The following RELN variants were observed in gnomAD, a reference collection of about 807,000 sequenced individuals.
The protein encoded by RELN is reelin.
A neutral mutation model predicts 427.6 loss-of-function variants in RELN; 108 were observed. The ratio of observed to expected loss-of-function variants is 0.25; its 90% CI spans 0.22 to 0.30. The LOEUF (loss-of-function observed/expected upper bound fraction) is 0.30, where lower values mean the gene tolerates loss of function less well. RELN is among the 10% of genes least tolerant of loss of function. The pLI, the probability that RELN is intolerant of heterozygous loss-of-function variation, is 1.00. For synonymous variants in RELN, 1,524 were observed against 1,513.4 expected, an observed-to-expected ratio of 1.01 and a Z score of -0.16; for missense variants, 3,715 against 4,302.8, an observed-to-expected ratio of 0.86 and a Z score of 3.82.
At chr7:103,750,249 G>A (rs1290720328) in intron 5 of RELN, among the ~76,000 whole-genome samples, 1 of 152,044 alleles carries the variant, frequency 6.6e-6, no homozygotes, top group African/African-American at 2.4e-5. Flanking sequence ...AAGTGCTGGG[G>A]TTACAGGCGT....
chr7:103,495,347 A>G (rs1323338838), intron 57 of RELN, among the ~76,000 whole-genome samples: 2 of 151,840 alleles, frequency 1.3e-5, no homozygotes, highest in Non-Finnish European at 2.9e-5. Context: ...TTTTTTATAG[A>G]GACAAGGTTT....
Position 103,989,233 on chromosome 7 carries a change from G to C in RELN, c.124C>G (p.His42Asp). ...CCATCCCCTTCCAGCTCCCCGTGGT[G>C]GGTGCACAGGAAAAAGAAGGGCGAA... ...RFSPFFFLCT[H>D]HGELEGDGEQ... Residue 42 changes from histidine to aspartate, a missense_variant, in exon 1 of 65, where the codon CAC becomes GAC. This residue lies in a region of RELN where 2,208 missense variants were observed against 2,361.7 expected (regional missense o/e 0.93). Coordinates refer to ENST00000428762, the MANE Select transcript of RELN (RefSeq NM_005045.4). This position sits in a 1 kb window ranked among gnomAD's most constrained non-coding sequence, Gnocchi z 4.9. 1 of 1,614,072 alleles carries C rather than the reference G, an allele frequency of 6.2e-7. No homozygotes were observed. The highest frequency in any genetic ancestry group is 8.5e-7 in the Non-Finnish European group (1 of 1,179,996).
intron 3 of RELN, among the ~76,000 whole-genome samples, chr7:103,786,445 C>T (rs898638457): frequency 2.7e-5 from 4 of 148,878 alleles, no homozygotes; most frequent in Non-Finnish European, 4.4e-5. Flanking sequence ...TTCAGGAGAC[C>T]CATCTCATGT....
intron 60 of RELN, among the ~76,000 whole-genome samples, chr7:103,489,419 C>T (rs1828572819): frequency 6.6e-6 from 1 of 151,934 alleles, no homozygotes; most frequent in African/African-American, 2.4e-5. Flanking sequence ...TGGGCAGGGG[C>T]AGGGAGTTAT....
intron 3 of RELN, among the ~76,000 whole-genome samples, chr7:103,821,975 T>C (rs1428311951): frequency 2.0e-5 from 3 of 152,102 alleles, no homozygotes; most frequent in Non-Finnish European, 2.9e-5. Context: ...AACTCATCAA[T>C]GTGGATAACC....
chr7:103,483,250 A>G (rs769712457), intron 62 of RELN, among the ~76,000 whole-genome samples: 16 of 152,178 alleles, frequency 1.1e-4, no homozygotes, highest in Admixed American at 3.3e-4. Flanking sequence ...TTTCTGTGTG[A>G]CAGACACTGT....
intron 3 of RELN, among the ~76,000 whole-genome samples, chr7:103,828,276 G>A (rs1414225117): frequency 6.6e-6 from 1 of 151,964 alleles, no homozygotes; most frequent in Non-Finnish European, 1.5e-5. Context: ...TTCAGAAACT[G>A]CTAGTGTCTG....
intron 20 of RELN, among the ~76,000 whole-genome samples, chr7:103,614,573 A>T (rs1832037707): frequency 6.6e-6 from 1 of 151,108 alleles, no homozygotes; most frequent in South Asian, 2.1e-4. Context: ...CTCTGCTGAG[A>T]CTGTGGAACA....
chr7:103,768,732 G>A (rs1208243040), intron 4 of RELN, among the ~76,000 whole-genome samples: 4 of 152,188 alleles, frequency 2.6e-5, no homozygotes, highest in African/African-American at 7.2e-5. Flanking sequence ...TGGGGGAAAT[G>A]AGTGTTTAAA....
At chr7:103,591,011 C>T (rs1315294128) in intron 27 of RELN, among the ~76,000 whole-genome samples, 3 of 152,180 alleles carry the variant, frequency 2.0e-5, no homozygotes, top group Non-Finnish European at 4.4e-5. Context: ...GTTATCTGTG[C>T]TCATTTTGTA....
chr7:103,684,231 C>T (rs77371579), intron 10 of RELN, among the ~76,000 whole-genome samples: 5,303 of 152,158 alleles, frequency 0.035, 304 homozygotes, highest in African/African-American at 0.12. Context: ...ATTCTGAGAA[C>T]GCCTAAATCA....
intron 10 of RELN, among the ~76,000 whole-genome samples, chr7:103,697,355 T>G (rs919782359): frequency 6.6e-6 from 1 of 152,130 alleles, no homozygotes; most frequent in African/African-American, 2.4e-5. Flanking sequence ...CGATTCCTCC[T>G]TCCTGGCCAA....
At chr7:103,880,714 T>A (rs553633123) in intron 2 of RELN, among the ~76,000 whole-genome samples, 2 of 152,180 alleles carry the variant, frequency 1.3e-5, no homozygotes, top group African/African-American at 4.8e-5. Context: ...TTAGACAGAG[T>A]CTACCTCTGT....
intron 20 of RELN, among the ~76,000 whole-genome samples, chr7:103,617,860 G>A (rs1832120536): frequency 1.3e-5 from 2 of 151,986 alleles, no homozygotes; most frequent in Non-Finnish European, 2.9e-5. Flanking sequence ...GTGAGTTCTT[G>A]CTTTATTAGT....
At chr7:103,735,835 G>A (rs908677632) in intron 6 of RELN, among the ~76,000 whole-genome samples, 1 of 152,076 alleles carries the variant, frequency 6.6e-6, no homozygotes, top group Admixed American at 6.6e-5. Flanking sequence ...AGTGTCTGAC[G>A]ATCAGCTCCA....
At chr7:103,881,876 C>A (rs1451595734) in intron 2 of RELN, among the ~76,000 whole-genome samples, 1 of 152,080 alleles carries the variant, frequency 6.6e-6, no homozygotes, top group African/African-American at 2.4e-5. Context: ...ATACAAAACA[C>A]CCCCAAGCCC....
intron 1 of RELN, among the ~76,000 whole-genome samples, chr7:103,954,718 G>C (rs1227405224): frequency 6.6e-6 from 1 of 152,094 alleles, no homozygotes; most frequent in Non-Finnish European, 1.5e-5. Context: ...TTATAATTAG[G>C]TTATCAAAGT....
At chr7:103,717,610 T>A (rs991845792) in intron 8 of RELN, among the ~76,000 whole-genome samples, 3 of 151,904 alleles carry the variant, frequency 2.0e-5, no homozygotes, top group Non-Finnish European at 4.4e-5. Context: ...ATAAAACATA[T>A]GTATTATTTT....
intron 2 of RELN, among the ~76,000 whole-genome samples, chr7:103,835,979 G>A (rs572678118): frequency 7.6e-5 from 11 of 145,420 alleles, no homozygotes; most frequent in Non-Finnish European, 1.2e-4. Context: ...TTTTATAGGC[G>A]GAGTCTCACT....
Sources: allele counts gnomAD v4.1 joint callset (sites outside exome capture counted in the v4.1 genomes callset), GRCh38; gene constraint gnomAD v4.1.1; regional missense constraint gnomAD v4.1.1; non-coding constraint Gnocchi (gnomAD v3.1); transcripts MANE v1.5; gene names NCBI Gene and HGNC (gene_info 2026-07-23, HGNC 2026-07-21).